ADGRF5: variants seen among roughly 807,000 people sequenced by gnomAD.
The protein encoded by ADGRF5 is adhesion G protein-coupled receptor F5.
Under a neutral mutation model 132.3 loss-of-function variants are expected in ADGRF5, and 75 were observed. The ratio of observed to expected loss-of-function variants is 0.57; its 90% confidence interval spans 0.47 to 0.69. The LOEUF (loss-of-function observed/expected upper bound fraction) is 0.69, where lower values mean the gene tolerates loss of function less well. Among genes scored for constraint, ADGRF5 ranks in the 30% least tolerant of loss-of-function variants. The probability of loss-of-function intolerance (pLI) is 0.00; values close to 1 mark genes in which losing one functional copy is unlikely to be tolerated. For missense variants in ADGRF5, 1,516 were observed against 1,630.6 expected (o/e 0.93, Z 1.21); for synonymous variants, 629 against 597.6 (o/e 1.05, Z -0.77).
chr6:46,883,563 G>A lies in ADGRF5; in HGVS notation c.608C>T (p.Thr203Ile), dbSNP rs757260528. ...LYRSYKTDLETAFRKGYGILP... is the reference protein window; with the variant it reads ...LYRSYKTDLEIAFRKGYGILP... ...GTTCTTGGGGCCAAAACCTACCGCTGTTTCCAAGTCGGTCTTGTAGGACCT... is the reference window on the plus strand; with the variant it reads ...GTTCTTGGGGCCAAAACCTACCGCTATTTCCAAGTCGGTCTTGTAGGACCT... The change falls in exon 6 of 21, where the codon ACA (threonine) becomes ATA (isoleucine). Residue 203 changes from threonine to isoleucine, a missense_variant. Transcript: ENST00000283296. The A allele has an allele frequency of 6.3e-7, 1 of 1,588,940 alleles. No individual in the cohort carries two copies. Among genetic ancestry groups the A allele is most frequent in the Non-Finnish European group, 8.6e-7 (1 of 1,159,832 alleles).
upstream of ADGRF5, among the ~76,000 whole-genome samples, chr6:46,924,939 C>G (rs1411197456): frequency 6.6e-6 from 1 of 152,220 alleles, no homozygotes; most frequent in Non-Finnish European, 1.5e-5. Flanking sequence ...ATCACTATCT[C>G]TTGACTGGAT....
rs760124027 is a variant in ADGRF5, at chr6:46,884,150, A to G, written c.450T>C (p.His150=). 6.8e-6 allele frequency: 11 copies of G among 1,614,028 alleles called. No homozygotes were observed. Among genetic ancestry groups the G allele is most frequent in the East Asian group, 6.7e-5 (3 of 44,896 alleles). The change falls in exon 5 of 21, where the codon CAT becomes CAC. Residue 150 remains histidine, a synonymous_variant. Coordinates refer to ENST00000283296, the MANE Select transcript of ADGRF5 (RefSeq NM_001098518.2). ...GAGGCAGTTCTTTAAGGCAACTGCA[A>G]TGGTGCCCTGGGAGGAAGACGTCAC... ...QERDVFLPGH[H]CSCLKELPPN... is the part of the protein sequence containing the mutation.
At chr6:46,950,322 C>T (rs1778451431) in intron 1 of ADGRF5, among the ~76,000 whole-genome samples, 1 of 152,150 alleles carries the variant, frequency 6.6e-6, no homozygotes, top group Middle Eastern at 3.2e-3. Flanking sequence ...ACCCATTGAT[C>T]TTCTGTTGGC....
In ADGRF5 at chr6:46,858,713, C is replaced by T. The variant is rs752423473; in HGVS notation, c.3190G>A (p.Ala1064Thr). The T allele has an allele frequency of 8.7e-6, 14 of 1,613,882 alleles. No homozygotes were observed. The highest frequency in any genetic ancestry group is 3.3e-5 in the Admixed American group (2 of 59,980). ...GCGACCACAATGAACCAGGTGTTGG[C>T]GACCAGAAGGGAGGCAGCGATATTC... ...IVNIAASLLVANTWFIVVAAI... is the reference protein window; with the variant it reads ...IVNIAASLLVTNTWFIVVAAI... Residue 1064 changes from alanine to threonine, a missense_variant, in exon 17 of 21, where the codon GCC becomes ACC. Around this residue, in one of 2 missense-constraint regions of ADGRF5, gnomAD observed 571 missense variants for 701.2 expected, o/e 0.81. Coordinates refer to ENST00000283296, the MANE Select transcript of ADGRF5 (RefSeq NM_001098518.2).
intron 1 of ADGRF5, among the ~76,000 whole-genome samples, chr6:46,920,747 C>T (rs1776857414): frequency 6.6e-6 from 1 of 151,940 alleles, no homozygotes; most frequent in African/African-American, 2.4e-5. Context: ...CCTGTAATCC[C>T]AGCTGCTTGG....
chr6:46,881,317 G>T, intron 8 of ADGRF5, 138 bp downstream of exon 8: 1 of 680,628 alleles, frequency 1.5e-6, no homozygotes, highest in Non-Finnish European at 2.6e-6. Flanking sequence ...ACTGGCATAA[G>T]AGGAGGAGGT....
Position 46,948,475 on chromosome 6 carries a change from A to AGTGTGT in ADGRF5, c.-25+6253_-25+6258dup, listed in dbSNP as rs3030417. Among the ~76,000 whole-genome samples, 945 of 143,356 alleles carry AGTGTGT rather than the reference A, an allele frequency of 6.6e-3. 5 individuals carry two copies. The highest frequency in any genetic ancestry group is 9.0e-3 in the Admixed American group (131 of 14,506). The allele number at this position is 143,356 out of a possible 152,430, so 94.0% of individuals were successfully genotyped here. On this transcript the variant is annotated intron_variant, in intron 1 of 20. Transcript: ENST00000265417. ...CAGGTATCTGATACTTGCTCTAGTG[A>AGTGTGT]GTGTGTGTGTGTGTGTGTGTGTGTG...
At chr6:46,881,388 T>G (rs1288232635) in intron 8 of ADGRF5, 67 bp downstream of exon 8, 2 of 1,401,244 alleles carry the variant, frequency 1.4e-6, no homozygotes, top group Non-Finnish European at 2.0e-6. Context: ...CATTGTAGCA[T>G]AAACTAATTT....
intron 5 of ADGRF5, 80 bp downstream of exon 5, chr6:46,884,015 T>A: frequency 8.8e-7 from 1 of 1,142,558 alleles, no homozygotes; most frequent in Non-Finnish European, 1.3e-6. Flanking sequence ...GTGCTGGGAT[T>A]ACAGGCATGA....
intron 14 of ADGRF5, 93 bp downstream of exon 14, chr6:46,864,949 A>C: frequency 1.2e-6 from 1 of 836,280 alleles, no homozygotes; most frequent in South Asian, 1.7e-5. Flanking sequence ...TATTTAACAT[A>C]TGTTTATTGA....
At chr6:46,862,210 G>A (rs549238397) in intron 15 of ADGRF5, among the ~76,000 whole-genome samples, 1 of 152,160 alleles carries the variant, frequency 6.6e-6, no homozygotes, top group East Asian at 1.9e-4. Flanking sequence ...GTTGTCTGAA[G>A]ATGTCATCAT....
intron 1 of ADGRF5, among the ~76,000 whole-genome samples, chr6:46,911,907 A>T (rs1388095371): frequency 6.6e-6 from 1 of 152,166 alleles, no homozygotes; most frequent in Non-Finnish European, 1.5e-5. Flanking sequence ...TCATTGTTTA[A>T]CTATGACTGT....
At chr6:46,953,747 A>G (rs1778616342) in intron 1 of ADGRF5, among the ~76,000 whole-genome samples, 1 of 143,712 alleles carries the variant, frequency 7.0e-6, no homozygotes, top group African/African-American at 2.6e-5. Flanking sequence ...GTAGCAGGGT[A>G]TGGAAGATAG....
At position 46,853,970 on chromosome 6, in the gene ADGRF5, CGT is replaced by C. The variant is rs1768750436; in HGVS notation, c.*20_*21del. On this transcript the variant is annotated 3_prime_UTR_variant, in exon 21 of 21. Transcript: ENST00000283296. ...CACAGCCACTGTCCCCGGGAGGTCACGTAGGTTGGATTATCCTGTTCTTAGTT... is the reference window on the plus strand; with the variant it reads ...CACAGCCACTGTCCCCGGGAGGTCACAGGTTGGATTATCCTGTTCTTAGTT... The C allele has an allele frequency of 2.6e-6, 4 of 1,543,568 alleles. No homozygotes were observed. The highest frequency in any genetic ancestry group is 3.5e-6 in the Non-Finnish European group (4 of 1,127,028).
In ADGRF5 at chr6:46,858,739, A is replaced by G. The variant is rs757195433; in HGVS notation, c.3164T>C (p.Val1055Ala). 1 of 1,614,110 alleles carries G rather than the reference A, an allele frequency of 6.2e-7. No individual in the cohort carries two copies. The highest frequency in any genetic ancestry group is 1.3e-5 in the African/African-American group (1 of 75,020). ...GACCAGAAGGGAGGCAGCGATATTC[A>G]CTATGCAGGTGTGGCGCATATAAGA... The part of the protein sequence containing the change: ...RTSYMRHTCI[V>A]NIAASLLVAN... Residue 1055 changes from valine to alanine, a missense_variant, in exon 17 of 21, where the codon GTG (valine) becomes GCG (alanine). Coordinates refer to ENST00000283296, the MANE Select transcript of ADGRF5 (RefSeq NM_001098518.2).
rs1771112056 is a variant in ADGRF5, at chr6:46,871,976, T to C, written c.1278A>G (p.Arg426=). Residue 426 remains arginine (R), a synonymous_variant, in exon 11 of 21, where the codon AGA becomes AGG. Transcript: ENST00000283296. The part of the protein sequence containing the change: ...PETDIDSSCS[R]YTLKADGTQC... ...GGGTTCCATCAGCCTTGAGGGTGTA[T>C]CTGCTGCAGCTAGAATCTATGTCTG... is the stretch of plus-strand genomic sequence containing the variant. The C allele has an allele frequency of 6.2e-7, 1 of 1,611,640 alleles. No homozygotes were observed. Among genetic ancestry groups the C allele is most frequent in the Non-Finnish European group, 8.5e-7 (1 of 1,178,378 alleles).
At chr6:46,895,509 G>T (rs981440093) in intron 3 of ADGRF5, among the ~76,000 whole-genome samples, 10 of 151,466 alleles carry the variant, frequency 6.6e-5, no homozygotes, top group African/African-American at 2.4e-4. Context: ...AGCACACCCA[G>T]GTTGCTAGGC....
chr6:46,932,129 G>A (rs1777582662), intron 1 of ADGRF5, among the ~76,000 whole-genome samples: 2 of 152,130 alleles, frequency 1.3e-5, no homozygotes, highest in Non-Finnish European at 2.9e-5. Flanking sequence ...TTTTTACCAT[G>A]CAAGTTTCTG....
chr6:46,930,067 C>T (rs981000557), intron 1 of ADGRF5, among the ~76,000 whole-genome samples: 7 of 152,082 alleles, frequency 4.6e-5, no homozygotes, highest in South Asian at 2.1e-4. Context: ...GTGATCCACC[C>T]GCCTCAGCCT....
Sources: gnomAD v4.1 joint callset for allele counts (sites outside exome capture counted in the v4.1 genomes callset) on GRCh38, gnomAD v4.1.1 for gene constraint, gnomAD v4.1.1 regional missense constraint, MANE v1.5 for transcripts, NCBI Gene and HGNC (gene_info 2026-07-23, HGNC 2026-07-21) for gene names.